Variants in THOP1 observed in about 807,000 individuals in gnomAD.
THOP1 encodes the protein thimet oligopeptidase.
In THOP1, 49 loss-of-function variants were observed where a neutral mutation model predicts 71.8. That is an observed-to-expected ratio of 0.68 (90% CI 0.54 to 0.87). THOP1 has a LOEUF of 0.87. Among genes scored for constraint, THOP1 ranks in the 40% least tolerant of loss-of-function variants. The pLI is 0.00. For missense variants in THOP1, 843 were observed against 975.6 expected (o/e 0.86, Z 1.81); for synonymous variants, 426 against 421.5 (o/e 1.01, Z -0.13).
At chr19:2,806,389 G>C (rs1796409556) in intron 6 of THOP1, 1 of 157,368 alleles carries the variant, frequency 6.4e-6, no homozygotes, top group African/African-American at 2.4e-5. Flanking sequence ...GCACGCACCT[G>C]CTGGTTACAG....
intron 7 of THOP1, 124 bp downstream of exon 7, chr19:2,807,176 C>G (rs1916313966): frequency 2.2e-6 from 3 of 1,342,820 alleles, no homozygotes; most frequent in Non-Finnish European, 3.0e-6. Context: ...ACTTCTGACG[C>G]CTGCCCTGGC....
chr19:2,791,086 C>T (rs1915867018), intron 2 of THOP1, among the ~76,000 whole-genome samples: 1 of 152,246 alleles, frequency 6.6e-6, no homozygotes, highest in African/African-American at 2.4e-5. Flanking sequence ...AACTTGGCCC[C>T]CTTGGCTTCT....
At chr19:2,802,109 C>T (rs1193465283) in intron 5 of THOP1, among the ~76,000 whole-genome samples, 1 of 151,544 alleles carries the variant, frequency 6.6e-6, no homozygotes, top group Non-Finnish European at 1.5e-5. Context: ...CCTCTCAATA[C>T]CACCACCTCC....
intron 1 of THOP1, 35 bp from the exon 2 acceptor site, chr19:2,790,386 A>T (rs202060855): frequency 1.3e-6 from 2 of 1,491,626 alleles, no homozygotes; most frequent in South Asian, 2.8e-5. Context: ...AACCGAAAGC[A>T]GACCCGCCCG....
chr19:2,805,062 C>T lies in THOP1; in HGVS notation c.636C>T (p.Asp212=), dbSNP rs563049150. ...TGAACTCCCTGGAGAAGATGGAGGACGGCAAGTTGAAGGTCACCCTCAAGT... is the reference window on the plus strand; with the variant it reads ...TGAACTCCCTGGAGAAGATGGAGGATGGCAAGTTGAAGGTCACCCTCAAGT... ...DFLNSLEKME[D]GKLKVTLKYP... The change falls in exon 6 of 13, where the codon GAC becomes GAT. Residue 212 remains aspartate (D), a synonymous_variant. Transcript: ENST00000307741. The surrounding 1 kb of genome is among the most constrained non-coding windows in gnomAD (Gnocchi z 6.6). 5.4e-5 allele frequency: 87 copies of T among 1,612,800 alleles called. No individual in the cohort carries two copies. In the South Asian group the frequency reaches 6.8e-4, roughly 13 times the overall value.
chr19:2,786,695 G>A (rs1242896835), intron 1 of THOP1, among the ~76,000 whole-genome samples: 3 of 151,558 alleles, frequency 2.0e-5, no homozygotes, highest in African/African-American at 4.8e-5. Context: ...TCCGCCTCCC[G>A]GGTTCAAGCT....
In THOP1 at chr19:2,790,475, T is replaced by C; in HGVS notation, c.71T>C (p.Leu24Pro). 6.2e-7 allele frequency: 1 copy of C among 1,602,892 alleles called. No individual in the cohort carries two copies. Among genetic ancestry groups the C allele is most frequent in the Middle Eastern group, 1.7e-4 (1 of 6,012 alleles). The change falls in exon 2 of 13, where the codon CTG becomes CCG. Residue 24 changes from leucine (L) to proline (P), a missense_variant. Physicochemically the swap from Leu to Pro is moderately conservative, Grantham distance 98 (BLOSUM62 -3). Coordinates refer to ENST00000307741, the MANE Select transcript of THOP1 (RefSeq NM_003249.5). ...AASPCSVVND[L>P]RWDLSAQQIE... ...TCTCCGTGCTCTGTGGTAAACGACC[T>C]GCGGTGGGACCTGAGTGCCCAGCAG... is the stretch of plus-strand genomic sequence containing the variant.
intron 9 of THOP1, chr19:2,809,961 C>A (rs920392747): frequency 5.5e-6 from 2 of 363,920 alleles, no homozygotes; most frequent in Admixed American, 8.7e-5. Context: ...GCATGCCTCA[C>A]AGCGTCCCCA....
rs767290640 is a variant in THOP1, at chr19:2,807,489, G to A, written c.934G>A (p.Val312Met). ...LKPLGEQERA[V>M]ILELKRAECE... is the part of the protein sequence containing the mutation. ...GCCCCTGGGGGAGCAGGAGCGTGCGGTGATTCTGGAGCTGAAGCGTGCGGA... is the reference window on the plus strand; with the variant it reads ...GCCCCTGGGGGAGCAGGAGCGTGCGATGATTCTGGAGCTGAAGCGTGCGGA... The change falls in exon 8 of 13, where the codon GTG becomes ATG. Residue 312 changes from valine to methionine, a missense_variant. Val to Met is a conservative substitution (Grantham distance 21). Coordinates refer to ENST00000307741, the MANE Select transcript of THOP1 (RefSeq NM_003249.5). 2.7e-5 allele frequency: 43 copies of A among 1,609,638 alleles called. No individual in the cohort carries two copies. The highest frequency in any genetic ancestry group is 3.4e-5 in the Non-Finnish European group (40 of 1,178,696).
intron 11 of THOP1, among the ~76,000 whole-genome samples, chr19:2,811,295 A>C (rs1640275): frequency 0.54 from 82,129 of 152,088 alleles, 24,102 homozygotes; most frequent in African/African-American, 0.78. Context: ...GTGGCCTGTG[A>C]TGTTGCGTGG....
At position 2,801,404 on chromosome 19, in the gene THOP1, T is replaced by C. The variant is rs546618868; in HGVS notation, c.589+1613T>C. Among the ~76,000 whole-genome samples, 3 of 152,268 alleles carry C rather than the reference T, an allele frequency of 2.0e-5. No homozygotes were observed. The highest frequency in any genetic ancestry group is 7.2e-5 in the African/African-American group (3 of 41,542). On this transcript the variant is annotated intron_variant, in intron 5 of 12. Coordinates refer to ENST00000307741, the MANE Select transcript of THOP1 (RefSeq NM_003249.5). The surrounding 1 kb of genome is among the most constrained non-coding windows in gnomAD (Gnocchi z 5.1). Reference sequence around the variant, plus strand: ...GATTTTGGTGTCTAACTCTTTGGGGTGCCGTTCCATTTGTCGGGCCTGAGG... The same window carrying C: ...GATTTTGGTGTCTAACTCTTTGGGGCGCCGTTCCATTTGTCGGGCCTGAGG...
At chr19:2,808,179 C>A in intron 8 of THOP1, 64 bp from the exon 9 acceptor site, 1 of 1,501,120 alleles carries the variant, frequency 6.7e-7, no homozygotes, top group Non-Finnish European at 9.0e-7. Flanking sequence ...CTGAGGGATG[C>A]GGAGTCAGGG....
intron 4 of THOP1, 27 bp from the exon 5 acceptor site, chr19:2,799,662 C>A: frequency 6.3e-7 from 1 of 1,584,988 alleles, no homozygotes; most frequent in Non-Finnish European, 8.7e-7. Context: ...GTCTCTCCCT[C>A]CCCTCACGCC....
At chr19:2,802,474 A>C (rs11667557) in intron 5 of THOP1, among the ~76,000 whole-genome samples, 93 of 33,268 alleles carry the variant, frequency 2.8e-3, no homozygotes, top group South Asian at 0.014. Flanking sequence ...TCCCGACACC[A>C]ACACCTCCCG....
At chr19:2,787,110 G>C (rs1001441889) in intron 1 of THOP1, 1 of 151,974 alleles carries the variant, frequency 6.6e-6, no homozygotes, top group Non-Finnish European at 1.5e-5. Context: ...TCTTGGCCAG[G>C]GTGGTCTCGA....
At chr19:2,790,132 G>C (rs1353634716) in intron 1 of THOP1, among the ~76,000 whole-genome samples, 1 of 152,134 alleles carries the variant, frequency 6.6e-6, no homozygotes, top group Non-Finnish European at 1.5e-5. Flanking sequence ...GGTCACTGCA[G>C]GGTACTAAGC....
chr19:2,800,585 G>A (rs894641901), intron 5 of THOP1, among the ~76,000 whole-genome samples: 5 of 152,242 alleles, frequency 3.3e-5, no homozygotes, highest in African/African-American at 9.6e-5. Context: ...CCTCATGGCC[G>A]GAGGCCTCCG....
chr19:2,807,725 G>T lies in THOP1; in HGVS notation c.1170G>T (p.Trp390Cys), dbSNP rs1347067455. 1 of 1,596,830 alleles carries T rather than the reference G, an allele frequency of 6.3e-7. No homozygotes were observed. Among genetic ancestry groups the T allele is most frequent in the Admixed American group, 1.7e-5 (1 of 58,936 alleles). ...AFHHEEGASA[W>C]HEDVRLYTAR... ...ACCACGAGGAGGGCGCCAGTGCCTGGCATGAGGACGTGCGGCTCTACACCG... is the reference window on the plus strand; with the variant it reads ...ACCACGAGGAGGGCGCCAGTGCCTGTCATGAGGACGTGCGGCTCTACACCG... Residue 390 changes from tryptophan (W) to cysteine (C), a missense_variant, in exon 8 of 13, where the codon TGG (tryptophan) becomes TGT (cysteine). Physicochemically the swap from Trp to Cys is radical, Grantham distance 215. Transcript: ENST00000307741.
At chr19:2,809,978 C>G (rs1916413923) in intron 9 of THOP1, 1 of 404,568 alleles carries the variant, frequency 2.5e-6, no homozygotes, top group Non-Finnish European at 4.5e-6. Flanking sequence ...CCCACCCGGA[C>G]CTGGCCGTCC....
Sources: gnomAD v4.1 joint callset for allele counts (sites outside exome capture counted in the v4.1 genomes callset) on GRCh38, gnomAD v4.1.1 for gene constraint, Gnocchi (gnomAD v3.1) non-coding constraint, MANE v1.5 for transcripts, NCBI Gene and HGNC (gene_info 2026-07-23, HGNC 2026-07-21) for gene names.